The following DNAH12 variants were observed in gnomAD, a reference collection of about 807,000 sequenced individuals.
DNAH12 encodes axonemal beta dynein heavy chain 12.
A neutral mutation model predicts 371.5 loss-of-function variants in DNAH12; 285 were observed. The observed-to-expected ratio is 0.77, with a 90% CI of 0.70 to 0.85. The LOEUF (loss-of-function observed/expected upper bound fraction) is 0.85. Ranked by LOEUF, DNAH12 falls within the 40% of genes least tolerant of loss-of-function variation. DNAH12 has a pLI of 0.00. For missense variants in DNAH12, 3,611 were observed against 3,689.4 expected (o/e 0.98, Z 0.55); for synonymous variants, 1,200 against 1,213.0 (o/e 0.99, Z 0.22).
chr3:57,332,667 C>T (rs149536485), intron 62 of DNAH12, among the ~76,000 whole-genome samples: 269 of 152,310 alleles, frequency 1.8e-3, no homozygotes, highest in African/African-American at 6.3e-3. Flanking sequence ...TAGGATAGAA[C>T]TGTCCAGGCA....
intron 58 of DNAH12, among the ~76,000 whole-genome samples, chr3:57,362,182 C>A (rs904649181): frequency 4.6e-5 from 7 of 152,162 alleles, no homozygotes; most frequent in Non-Finnish European, 8.8e-5. Context: ...CATGTCCCTG[C>A]GAAGAACACG....
At chr3:57,377,497 T>C (rs1450473987) in intron 52 of DNAH12, among the ~76,000 whole-genome samples, 1 of 152,066 alleles carries the variant, frequency 6.6e-6, no homozygotes, top group Non-Finnish European at 1.5e-5. Flanking sequence ...TCACAAGATG[T>C]CTCAAAATAA....
rs562812438 is a variant in DNAH12, at chr3:57,323,686, T to A, written c.9979-67A>T. The A allele has an allele frequency of 1.4e-5, 20 of 1,399,306 alleles. No individual in the cohort carries two copies. The East Asian group carries it at 4.5e-4, about 31-fold the overall frequency. The allele number at this position is 1,399,306 out of a possible 1,614,324, so 86.7% of individuals were successfully genotyped here. ...TTCACATAATGGATATGAATATTAT[T>A]GAAAAACAACAAAGAATACAATTTG... On this transcript the variant is annotated intron_variant, in intron 62 of 73. Coordinates refer to ENST00000495027, the MANE Select transcript of DNAH12 (RefSeq NM_001366028.2).
Position 57,357,162 on chromosome 3 carries a change from G to C in DNAH12, c.9533+14C>G, listed in dbSNP as rs927717943. 6.6e-6 allele frequency: 1 copy of C among 152,096 alleles called. No individual in the cohort carries two copies. Among genetic ancestry groups the C allele is most frequent in the Non-Finnish European group, 1.5e-5 (1 of 68,036 alleles). The allele number at this position is 152,096 out of a possible 1,614,324, so 9.4% of individuals were successfully genotyped here. On this transcript the variant is annotated intron_variant, in intron 59 of 73. Coordinates refer to ENST00000495027, the MANE Select transcript of DNAH12 (RefSeq NM_001366028.2). ...CCAACCTCGGGAAGATGAATAAAGC[G>C]AGAGAATGTTTACCTGTCATGAATA...
chr3:57,361,444 C>CACTATACATATATATA (rs1409626573), intron 58 of DNAH12, among the ~76,000 whole-genome samples: 1 of 116,722 alleles, frequency 8.6e-6, no homozygotes, highest in African/African-American at 4.2e-5. Context: ...CACACACACA[C>CACTATACATATATATA]TATATATATA....
At position 57,419,441 on chromosome 3, in the gene DNAH12, A is replaced by C; in HGVS notation, c.5640T>G (p.Ile1880Met). 2.0e-6 allele frequency: 3 copies of C among 1,503,986 alleles called. No homozygotes were observed. Among genetic ancestry groups the C allele is most frequent in the Non-Finnish European group, 2.7e-6 (3 of 1,129,804 alleles). The allele number at this position is 1,503,986 out of a possible 1,614,324, so 93.2% of individuals were successfully genotyped here. A position where few individuals can be genotyped will look rare whatever the true frequency, so the allele number is the denominator to read the frequency against. The change falls in exon 37 of 74, where the codon ATT becomes ATG. Residue 1880 changes from isoleucine to methionine, a missense_variant. By Grantham distance (10) the Ile-to-Met change is conservative. Coordinates refer to ENST00000495027, the MANE Select transcript of DNAH12 (RefSeq NM_001366028.2). ...NTNLGDKQIKIQDIIVPTMDT... is the reference protein window; with the variant it reads ...NTNLGDKQIKMQDIIVPTMDT... ...CCATCGTAGGGACTATGATATCTTG[A>C]ATCTTGATTTGTTTATCTCCTAAAT...
intron 69 of DNAH12, among the ~76,000 whole-genome samples, 195 bp from the exon 70 acceptor site, chr3:57,302,134 C>T (rs760635455): frequency 7.2e-5 from 11 of 152,160 alleles, no homozygotes; most frequent in South Asian, 2.1e-4. Context: ...TCATTACATA[C>T]ATATTTTAAA....
chr3:57,524,093 A>G (rs974762706), intron 2 of DNAH12, among the ~76,000 whole-genome samples: 1 of 152,124 alleles, frequency 6.6e-6, no homozygotes, highest in Non-Finnish European at 1.5e-5. Flanking sequence ...TGAAACTAAA[A>G]ATCAAAATCA....
chr3:57,404,906 C>T, intron 42 of DNAH12, 63 bp downstream of exon 42: 3 of 1,382,682 alleles, frequency 2.2e-6, no homozygotes, highest in Non-Finnish European at 2.8e-6. Flanking sequence ...TGGTACATTT[C>T]AAACATTTCA....
At position 57,314,502 on chromosome 3, in the gene DNAH12, G is replaced by T. The variant is rs1191637081; in HGVS notation, c.10654C>A (p.Gln3552Lys). Residue 3552 changes from glutamine to lysine, a missense_variant, in exon 66 of 74, where the codon CAA becomes AAA. By Grantham distance (53) the Gln-to-Lys change is moderately conservative. This residue lies in a region of DNAH12 where 2,266 missense variants were observed against 2,236.9 expected (regional missense o/e 1.01). Transcript: ENST00000495027. ...TTTCTTGTTAATTTTACCTGCAGTT[G>T]TCGGATACTGATGCGCAAGTCAGAT... ...NESDLRISIR[Q>K]LQLFINEYDT... is the part of the protein sequence containing the mutation. 1 of 1,550,642 alleles carries T rather than the reference G, an allele frequency of 6.4e-7. No individual in the cohort carries two copies. Among genetic ancestry groups the T allele is most frequent in the African/African-American group, 1.4e-5 (1 of 72,930 alleles).
intron 35 of DNAH12, among the ~76,000 whole-genome samples, chr3:57,422,978 G>A (rs150914822): frequency 4.3e-4 from 65 of 152,274 alleles, no homozygotes; most frequent in African/African-American, 1.4e-3. Flanking sequence ...ATTTAAAAAT[G>A]TATACATGTA....
intron 68 of DNAH12, 84 bp downstream of exon 68, chr3:57,309,582 T>C: frequency 4.8e-6 from 6 of 1,249,432 alleles, no homozygotes; most frequent in Non-Finnish European, 6.3e-6. Flanking sequence ...AAGATCATAA[T>C]GCTAGTACAT....
chr3:57,450,347 G>A (rs1032484172), intron 25 of DNAH12, among the ~76,000 whole-genome samples: 2 of 150,588 alleles, frequency 1.3e-5, no homozygotes, highest in Non-Finnish European at 2.9e-5. Context: ...TAGGGAGTTT[G>A]AGACCAGCCT....
intron 60 of DNAH12, among the ~76,000 whole-genome samples, chr3:57,339,886 A>G (rs2062350686): frequency 6.6e-6 from 1 of 152,158 alleles, no homozygotes; most frequent in South Asian, 2.1e-4. Flanking sequence ...CCTGGGCAAC[A>G]TGGCAAAACC....
At chr3:57,380,684 C>G (rs1313592928) in intron 50 of DNAH12, among the ~76,000 whole-genome samples, 1 of 152,116 alleles carries the variant, frequency 6.6e-6, no homozygotes, top group African/African-American at 2.4e-5. Flanking sequence ...AGGCTGGTCT[C>G]CAACTCCTGA....
At chr3:57,323,909 T>C (rs185826405) in intron 62 of DNAH12, among the ~76,000 whole-genome samples, 45 of 152,284 alleles carry the variant, frequency 3.0e-4, no homozygotes, top group Non-Finnish European at 4.9e-4. Context: ...ATAGCAGAGA[T>C]TGCATATTGT....
chr3:57,531,559 C>T (rs747813162), intron 2 of DNAH12, among the ~76,000 whole-genome samples: 4 of 151,736 alleles, frequency 2.6e-5, no homozygotes, highest in Admixed American at 1.3e-4. Flanking sequence ...GTTAGGAGTT[C>T]GAGACCAACC....
rs554341109 is a variant in DNAH12 at position 57,325,939 on chromosome 3, G to A, written c.9979-2320C>T. ...GTAGAATGCAGAAGCCTCAGGAGCC[G>A]ATGCGATCAGCTGGAAGAAAGGGTA... is the stretch of plus-strand genomic sequence containing the variant. On this transcript the variant is annotated intron_variant, in intron 62 of 73. Transcript: ENST00000495027. Among the ~76,000 whole-genome samples, 20 of 152,316 alleles carry A rather than the reference G, an allele frequency of 1.3e-4. No individual in the cohort carries two copies. The East Asian group carries it at 2.1e-3, about 16-fold the overall frequency.
chr3:57,459,714 A>G lies in DNAH12; in HGVS notation c.2809T>C (p.Tyr937His). ...EWLKVQAQWLYLEPIFCSEDI... is the reference protein window; with the variant it reads ...EWLKVQAQWLHLEPIFCSEDI... ...TCAGAACAAAAGATGGGCTCTAAGT[A>G]CAGCCATTGAGCTTGTACTTTTAAC... Residue 937 changes from tyrosine to histidine, a missense_variant, in exon 20 of 74, where the codon TAC (tyrosine) becomes CAC (histidine). Coordinates refer to ENST00000495027, the MANE Select transcript of DNAH12 (RefSeq NM_001366028.2). 6.5e-7 allele frequency: 1 copy of G among 1,547,346 alleles called. No individual in the cohort carries two copies. The highest frequency in any genetic ancestry group is 8.7e-7 in the Non-Finnish European group (1 of 1,144,096).
Sources: gnomAD v4.1 joint callset for allele counts (sites outside exome capture counted in the v4.1 genomes callset) on GRCh38, gnomAD v4.1.1 for gene constraint, gnomAD v4.1.1 regional missense constraint, MANE v1.5 for transcripts, NCBI Gene and HGNC (gene_info 2026-07-23, HGNC 2026-07-21) for gene names.